CDH13: variants seen among roughly 807,000 people sequenced by gnomAD.
The protein encoded by CDH13 is cadherin 13.
A neutral mutation model predicts 63.8 loss-of-function variants in CDH13; 24 were observed. The ratio of observed to expected loss-of-function variants is 0.38; its 90% CI spans 0.27 to 0.53. The LOEUF (loss-of-function observed/expected upper bound fraction) is 0.53, where lower values mean the gene tolerates loss of function less well. Ranked by LOEUF, CDH13 falls within the 20% of genes least tolerant of loss-of-function variation. CDH13 has a pLI of 0.85. For synonymous variants in CDH13, 503 were observed against 355.3 expected (o/e 1.42, Z -4.67); for missense variants, 1,049 against 903.1 (o/e 1.16, Z -2.07).
chr16:82,726,616 C>T (rs2033111571), intron 1 of CDH13, among the ~76,000 whole-genome samples: 6 of 152,150 alleles, frequency 3.9e-5, no homozygotes, highest in Admixed American at 2.0e-4. Context: ...TTTACTTTAT[C>T]GCCTTGGGCA....
intron 2 of CDH13, among the ~76,000 whole-genome samples, chr16:82,986,059 C>A (rs1441852279): frequency 6.6e-6 from 1 of 152,184 alleles, no homozygotes; most frequent in Non-Finnish European, 1.5e-5. Flanking sequence ...ACTACCCTGT[C>A]TCACGTACTT....
chr16:83,634,855 T>C (rs1598399676), intron 8 of CDH13, among the ~76,000 whole-genome samples: 1 of 152,200 alleles, frequency 6.6e-6, no homozygotes, highest in African/African-American at 2.4e-5. Context: ...ACATTTGACT[T>C]TGTTGCTAGA....
intron 6 of CDH13, among the ~76,000 whole-genome samples, chr16:83,479,530 A>G (rs3943110): frequency 0.48 from 73,458 of 151,882 alleles, 18,682 homozygotes; most frequent in Middle Eastern, 0.59. Context: ...AGTGGCAGAC[A>G]CCTGTAGTCC....
At chr16:83,438,060 C>G (rs1257877549) in intron 6 of CDH13, among the ~76,000 whole-genome samples, 2 of 152,142 alleles carry the variant, frequency 1.3e-5, no homozygotes, top group East Asian at 3.9e-4. Context: ...CTAGAGTGGA[C>G]TCTAAAGCAC....
chr16:83,144,977 C>G (rs1432434485), intron 4 of CDH13, among the ~76,000 whole-genome samples: 2 of 152,216 alleles, frequency 1.3e-5, no homozygotes, highest in Non-Finnish European at 2.9e-5. Context: ...TTCTTAGCAT[C>G]CTGGGGCTTG....
chr16:82,888,037 G>A (rs1474370741), intron 2 of CDH13, among the ~76,000 whole-genome samples: 1 of 152,106 alleles, frequency 6.6e-6, no homozygotes, highest in African/African-American at 2.4e-5. Context: ...CTGTATGTCA[G>A]GTATTTACTT....
At chr16:82,780,042 A>G (rs2035679138) in intron 1 of CDH13, among the ~76,000 whole-genome samples, 2 of 152,176 alleles carry the variant, frequency 1.3e-5, no homozygotes, top group South Asian at 4.1e-4. Flanking sequence ...TCAGGTACAC[A>G]GGTGATTTCG....
chr16:83,107,015 C>T (rs2034799948), intron 3 of CDH13, among the ~76,000 whole-genome samples: 1 of 151,986 alleles, frequency 6.6e-6, no homozygotes, highest in Admixed American at 6.6e-5. Flanking sequence ...GCATGCACAC[C>T]CCACACACAG....
intron 5 of CDH13, among the ~76,000 whole-genome samples, chr16:83,294,555 T>C (rs1375652819): frequency 2.0e-5 from 3 of 152,068 alleles, no homozygotes; most frequent in Non-Finnish European, 4.4e-5. Context: ...ATGTTGTCAC[T>C]AATGATAAGA....
intron 5 of CDH13, among the ~76,000 whole-genome samples, chr16:83,313,251 C>T (rs936145076): frequency 2.6e-5 from 4 of 152,200 alleles, no homozygotes; most frequent in African/African-American, 9.6e-5. Context: ...GCAGATTTCA[C>T]AGCCATTGAT....
intron 6 of CDH13, among the ~76,000 whole-genome samples, chr16:83,478,381 G>C (rs946210362): frequency 6.6e-6 from 1 of 152,102 alleles, no homozygotes; most frequent in Non-Finnish European, 1.5e-5. Context: ...TCCTGGCCCA[G>C]CTCCCAGTCT....
chr16:82,839,918 T>G (rs1353592513), intron 1 of CDH13, among the ~76,000 whole-genome samples: 1 of 152,200 alleles, frequency 6.6e-6, no homozygotes, highest in Non-Finnish European at 1.5e-5. Context: ...GCAGACACTT[T>G]GAAATATTAC....
intron 4 of CDH13, among the ~76,000 whole-genome samples, chr16:83,206,050 G>A (rs777691437): frequency 9.2e-5 from 14 of 152,050 alleles, no homozygotes; most frequent in Admixed American, 3.3e-4. Context: ...ATTTCATTAC[G>A]GGGTGGCCTG....
intron 3 of CDH13, among the ~76,000 whole-genome samples, chr16:83,065,468 G>A (rs2031928676): frequency 6.6e-6 from 1 of 152,098 alleles, no homozygotes; most frequent in African/African-American, 2.4e-5. Context: ...ACTTTGGAAG[G>A]CCAAGGTGGA....
At chr16:83,155,186 A>G (rs1181081887) in intron 4 of CDH13, among the ~76,000 whole-genome samples, 1 of 152,238 alleles carries the variant, frequency 6.6e-6, no homozygotes. Context: ...TCCCTGAGAA[A>G]TATTGGACAG....
At chr16:83,510,833 C>A (rs899493558) in intron 7 of CDH13, among the ~76,000 whole-genome samples, 2 of 152,226 alleles carry the variant, frequency 1.3e-5, no homozygotes, top group Admixed American at 6.5e-5. Context: ...TAAGTGAGAA[C>A]AGTTACATGT....
intron 10 of CDH13, among the ~76,000 whole-genome samples, chr16:83,707,831 A>G (rs1272031979): frequency 8.2e-6 from 1 of 121,228 alleles, no homozygotes; most frequent in Non-Finnish European, 1.8e-5. Flanking sequence ...GAGAGACCCT[A>G]AAGGCAAAAA....
At chr16:83,784,063 G>T (rs1474584514) in intron 13 of CDH13, among the ~76,000 whole-genome samples, 1 of 152,178 alleles carries the variant, frequency 6.6e-6, no homozygotes, top group Non-Finnish European at 1.5e-5. Flanking sequence ...ACATGTCTCA[G>T]ATATTCCTTA....
At chr16:83,681,524 G>A (rs1179236612) in intron 10 of CDH13, among the ~76,000 whole-genome samples, 3 of 152,084 alleles carry the variant, frequency 2.0e-5, no homozygotes, top group African/African-American at 4.8e-5. Flanking sequence ...TTCTCAGCCT[G>A]GCACTGGCTG....
Sources: gnomAD v4.1 joint callset for allele counts (sites outside exome capture counted in the v4.1 genomes callset) on GRCh38, gnomAD v4.1.1 for gene constraint, MANE v1.5 for transcripts, NCBI Gene and HGNC (gene_info 2026-07-23, HGNC 2026-07-21) for gene names.